TRPM3: variants seen among roughly 807,000 people sequenced by gnomAD.
TRPM3 encodes long transient receptor potential channel 3.
TRPM3 carries 77 observed loss-of-function variants against 181.2 expected under a neutral mutation model. The ratio of observed to expected loss-of-function variants is 0.42; its 90% CI spans 0.35 to 0.51. TRPM3 has a LOEUF of 0.51. TRPM3 is among the 20% of genes least tolerant of loss of function. TRPM3 has a pLI of 0.01. For missense variants in TRPM3, 1,759 were observed against 2,196.7 expected, an observed-to-expected ratio of 0.80 and a Z score of 3.98; for synonymous variants, 745 against 796.4, an observed-to-expected ratio of 0.94 and a Z score of 1.09.
intron 9 of TRPM3, among the ~76,000 whole-genome samples, chr9:70,670,655 T>G (rs924475406): frequency 6.6e-6 from 1 of 152,216 alleles, no homozygotes; most frequent in Non-Finnish European, 1.5e-5. Flanking sequence ...ATCTGGCATT[T>G]TACAGTTTTG....
At position 71,155,855 on chromosome 9, in the gene TRPM3, T is replaced by C. The variant is rs144754090; in HGVS notation, c.183+290798A>G. ...GGGGAGTTATGCTGGGAGACACTCA[T>C]AGACTGTCACTCTGAAAAAACTTAG... is the stretch of plus-strand genomic sequence containing the variant. On this transcript the variant is annotated intron_variant, in intron 1 of 24. Transcript: ENST00000357533. 4.5e-4 allele frequency among the ~76,000 whole-genome samples: 68 copies of C among 152,220 alleles called. 1 individual carries two copies. Among genetic ancestry groups the C allele is most frequent in the African/African-American group, 1.5e-3 (61 of 41,568 alleles).
chr9:71,425,119 A>AC (rs1352867000), intron 1 of TRPM3, among the ~76,000 whole-genome samples: 4 of 147,860 alleles, frequency 2.7e-5, no homozygotes, highest in African/African-American at 1.0e-4. Flanking sequence ...TTCTTTTTCT[A>AC]TTTCCCTGGA....
chr9:71,231,660 T>C (rs2081060139), intron 1 of TRPM3, among the ~76,000 whole-genome samples: 1 of 152,192 alleles, frequency 6.6e-6, no homozygotes, highest in African/African-American at 2.4e-5. Flanking sequence ...GCCATTATCC[T>C]AAGTAAATTA....
chr9:70,842,564 C>A (rs2094748052), intron 5 of TRPM3, among the ~76,000 whole-genome samples: 1 of 152,094 alleles, frequency 6.6e-6, no homozygotes, highest in African/African-American at 2.4e-5. Context: ...CTCTGCAACT[C>A]TCAGGAGCTA....
chr9:70,933,734 G>A (rs777323036), intron 1 of TRPM3, among the ~76,000 whole-genome samples: 32 of 152,146 alleles, frequency 2.1e-4, no homozygotes, highest in South Asian at 6.2e-4. Context: ...GTTTAAAGAT[G>A]TGTGAAGCTG....
rs1047181168 is a variant in TRPM3 at position 70,814,536 on chromosome 9, T to C, written c.973+13311A>G. On this transcript the variant is annotated intron_variant, in intron 6 of 25. Coordinates refer to ENST00000677713, the MANE Select transcript of TRPM3 (RefSeq NM_001366145.2). ...ATAATTTTGATTCTGATTTCAGCCA[T>C]TATAAAATGTAAGCATCAAATGTAT... 2.0e-5 allele frequency among the ~76,000 whole-genome samples: 3 copies of C among 152,206 alleles called. No homozygotes were observed. The East Asian group carries it at 5.8e-4, about 29-fold the overall frequency.
At chr9:71,249,644 A>T (rs936012445) in intron 1 of TRPM3, among the ~76,000 whole-genome samples, 1 of 152,198 alleles carries the variant, frequency 6.6e-6, no homozygotes, top group Non-Finnish European at 1.5e-5. Context: ...AAGGGAAAAA[A>T]ATTATTCTGC....
At chr9:70,584,408 G>T (rs2056677000) in intron 22 of TRPM3, among the ~76,000 whole-genome samples, 1 of 151,778 alleles carries the variant, frequency 6.6e-6, no homozygotes, top group Admixed American at 6.6e-5. Context: ...TTTCTTTTTT[G>T]AGTTTCAGGT....
intron 1 of TRPM3, among the ~76,000 whole-genome samples, chr9:71,333,756 G>A (rs1247358587): frequency 6.6e-6 from 1 of 151,872 alleles, no homozygotes; most frequent in Non-Finnish European, 1.5e-5. Flanking sequence ...CTTATGCACA[G>A]AAATAGAGAT....
intron 3 of TRPM3, among the ~76,000 whole-genome samples, chr9:70,856,603 C>T (rs1319859384): frequency 3.3e-5 from 5 of 152,116 alleles, no homozygotes; most frequent in African/African-American, 4.8e-5. Flanking sequence ...TTATCTCCCC[C>T]GTAAATCCCC....
chr9:70,674,211 A>G lies in TRPM3; in HGVS notation c.1345+7295T>C, dbSNP rs1025141040. Among the ~76,000 whole-genome samples, 17 of 152,206 alleles carry G rather than the reference A, an allele frequency of 1.1e-4. 1 individual carries two copies. Among genetic ancestry groups the G allele is most frequent in the Non-Finnish European group, 2.4e-4 (16 of 68,036 alleles). On this transcript the variant is annotated intron_variant, in intron 9 of 25. Coordinates refer to ENST00000677713, the MANE Select transcript of TRPM3 (RefSeq NM_001366145.2). ...ATAATACATTCAATAAAATACATTC[A>G]TGAATCATGAGGGGTTAAGCAAGGT...
At chr9:71,179,565 A>G (rs535919029) in intron 1 of TRPM3, among the ~76,000 whole-genome samples, 2 of 152,304 alleles carry the variant, frequency 1.3e-5, no homozygotes, top group South Asian at 2.1e-4. Flanking sequence ...ATTCTGAACA[A>G]ATTAGATTTT....
At chr9:71,273,717 T>C (rs573270539) in intron 1 of TRPM3, among the ~76,000 whole-genome samples, 65 of 152,312 alleles carry the variant, frequency 4.3e-4, no homozygotes, top group African/African-American at 1.5e-3. Flanking sequence ...ATAATGAATC[T>C]CTAAAAACGA....
At chr9:71,438,691 A>C (rs971831951) in intron 1 of TRPM3, among the ~76,000 whole-genome samples, 3 of 152,148 alleles carry the variant, frequency 2.0e-5, no homozygotes, top group African/African-American at 7.2e-5. Flanking sequence ...ACAAATAAAT[A>C]AATCTTTCTC....
chr9:70,667,242 G>C lies in TRPM3; in HGVS notation c.1345+14264C>G, dbSNP rs111654396. Among the ~76,000 whole-genome samples the C allele has an allele frequency of 1.4e-3, 214 of 152,210 alleles. 1 individual carries two copies. The highest frequency in any genetic ancestry group is 5.0e-3 in the African/African-American group (208 of 41,508). On this transcript the variant is annotated intron_variant, in intron 9 of 25. Coordinates refer to ENST00000677713, the MANE Select transcript of TRPM3 (RefSeq NM_001366145.2). ...AGAACATAAGTGGAAATGATCAACT[G>C]TGAACTTAATGGTTAGATAAACTGG...
intron 1 of TRPM3, among the ~76,000 whole-genome samples, chr9:71,230,604 C>T (rs982526592): frequency 4.7e-4 from 72 of 152,198 alleles, no homozygotes; most frequent in African/African-American, 1.7e-3. Context: ...TGTGTACCCA[C>T]AAAATTAAAA....
At chr9:71,077,790 A>G (rs1482892048) in intron 1 of TRPM3, among the ~76,000 whole-genome samples, 1 of 152,116 alleles carries the variant, frequency 6.6e-6, no homozygotes, top group Non-Finnish European at 1.5e-5. Flanking sequence ...TAGGCACTCC[A>G]TATGTGCTTG....
chr9:71,362,091 T>C (rs2092169980), intron 1 of TRPM3, among the ~76,000 whole-genome samples: 1 of 152,282 alleles, frequency 6.6e-6, no homozygotes, highest in South Asian at 2.1e-4. Flanking sequence ...TCCCAGCTAA[T>C]ACTCCCTTTA....
chr9:70,632,151 A>G (rs1345926000), intron 12 of TRPM3, among the ~76,000 whole-genome samples: 1 of 152,194 alleles, frequency 6.6e-6, no homozygotes, highest in Non-Finnish European at 1.5e-5. Flanking sequence ...AATTGCTTTA[A>G]GTTCCCAAGA....
Sources: gnomAD v4.1 joint callset for allele counts (sites outside exome capture counted in the v4.1 genomes callset) on GRCh38, gnomAD v4.1.1 for gene constraint, MANE v1.5 for transcripts, NCBI Gene and HGNC (gene_info 2026-07-23, HGNC 2026-07-21) for gene names.